The following PRDM16 variants were observed in gnomAD, a reference collection of about 807,000 sequenced individuals.
PRDM16 encodes histone-lysine N-methyltransferase PRDM16.
In PRDM16, 23 loss-of-function variants were observed where a neutral mutation model predicts 110.6. The observed-to-expected ratio is 0.21, with a 90% confidence interval of 0.15 to 0.29. PRDM16 has a LOEUF of 0.29. Ranked by LOEUF, PRDM16 falls within the 10% of genes least tolerant of loss-of-function variation. The pLI, the probability that PRDM16 is intolerant of heterozygous loss-of-function variation, is 1.00. For missense variants in PRDM16, 1,615 were observed against 1,794.3 expected (o/e 0.90, Z 1.81); for synonymous variants, 799 against 781.8 (o/e 1.02, Z -0.37).
Position 3,339,356 on chromosome 1 carries a change from C to A in PRDM16, c.439-45796C>A, listed in dbSNP as rs917703445. Among the ~76,000 whole-genome samples the A allele has an allele frequency of 6.6e-6, 1 of 152,062 alleles. No homozygotes were observed. The highest frequency in any genetic ancestry group is 1.5e-5 in the Non-Finnish European group (1 of 68,004). On this transcript the variant is annotated intron_variant, in intron 3 of 16. Transcript: ENST00000270722. This position sits in a 1 kb window ranked among gnomAD's most constrained non-coding sequence, Gnocchi z 5.0. ...GGGTGGGCCTCCGCGCATCCGTGCC[C>A]GGAAGCAGGAACAGAGGGATGGGTG...
At position 3,359,791 on chromosome 1, in the gene PRDM16, G is replaced by C. The variant is rs141137556; in HGVS notation, c.439-25361G>C. Among the ~76,000 whole-genome samples the C allele has an allele frequency of 6.6e-6, 1 of 151,230 alleles. No homozygotes were observed. The highest frequency in any genetic ancestry group is 1.5e-5 in the Non-Finnish European group (1 of 68,042). The stretch of plus-strand genomic sequence containing the variant: ...AGCCAGAAGGCAAGGCGGGAAAAAC[G>C]AGCCTGGCCTGAAACCACGCCCGTG... On this transcript the variant is annotated intron_variant, in intron 3 of 16. Transcript: ENST00000270722. This position sits in a 1 kb window ranked among gnomAD's most constrained non-coding sequence, Gnocchi z 4.3.
At position 3,208,925 on chromosome 1, in the gene PRDM16, G is replaced by C. The variant is rs891485796; in HGVS notation, c.387+22451G>C. Among the ~76,000 whole-genome samples, 1 of 152,166 alleles carries C rather than the reference G, an allele frequency of 6.6e-6. No homozygotes were observed. Among genetic ancestry groups the C allele is most frequent in the African/African-American group, 2.4e-5 (1 of 41,412 alleles). ...AAGTCTTGGGGACAGAAGAAACCTG[G>C]CTTTTCCCATGAACAGATGTCCCCC... is the stretch of plus-strand genomic sequence containing the variant. On this transcript the variant is annotated intron_variant, in intron 2 of 16. Coordinates refer to ENST00000270722, the MANE Select transcript of PRDM16 (RefSeq NM_022114.4). This position sits in a 1 kb window ranked among gnomAD's most constrained non-coding sequence, Gnocchi z 6.1.
At chr1:3,341,526 C>G (rs1018693622) in intron 3 of PRDM16, among the ~76,000 whole-genome samples, 1 of 152,180 alleles carries the variant, frequency 6.6e-6, no homozygotes, top group Non-Finnish European at 1.5e-5. Context: ...GAAGCACAGA[C>G]AAAGAGGAAG....
intron 2 of PRDM16, among the ~76,000 whole-genome samples, chr1:3,199,928 G>C (rs927875470): frequency 2.6e-5 from 4 of 152,250 alleles, no homozygotes; most frequent in Non-Finnish European, 5.9e-5. Flanking sequence ...CCCAGGACAG[G>C]GATGTCCTTG....
chr1:3,180,852 AGT>A (rs1437244979), intron 1 of PRDM16, among the ~76,000 whole-genome samples: 1 of 148,866 alleles, frequency 6.7e-6, no homozygotes, highest in Admixed American at 6.9e-5. Flanking sequence ...TTACACACGC[AGT>A]CTTACGCACG....
intron 1 of PRDM16, among the ~76,000 whole-genome samples, chr1:3,118,069 G>A (rs1324259966): frequency 6.6e-6 from 1 of 150,964 alleles, no homozygotes; most frequent in East Asian, 2.0e-4. Flanking sequence ...GTACATGCAT[G>A]TGTGTGTGCG....
Position 3,419,520 on chromosome 1 carries a change from G to GC in PRDM16, c.2939+780dup, listed in dbSNP as rs144893721. Among the ~76,000 whole-genome samples the GC allele has an allele frequency of 7.9e-3, 1,203 of 152,302 alleles. 22 individuals carry two copies. The highest frequency in any genetic ancestry group is 0.027 in the African/African-American group (1,142 of 41,560). ...CTGGGAGTGGGCATTTTAAGCGAGA[G>GC]CCCCAGACAATGGTAACTGGGAGGC... On this transcript the variant is annotated intron_variant, in intron 12 of 16. Transcript: ENST00000270722.
At chr1:3,297,583 C>T (rs1641117996) in intron 3 of PRDM16, among the ~76,000 whole-genome samples, 1 of 152,126 alleles carries the variant, frequency 6.6e-6, no homozygotes, top group Non-Finnish European at 1.5e-5. Context: ...TGCGCCCGGC[C>T]TGATGAGAGG....
intron 2 of PRDM16, among the ~76,000 whole-genome samples, chr1:3,193,844 C>T (rs1018340547): frequency 6.6e-6 from 1 of 152,178 alleles, no homozygotes; most frequent in Non-Finnish European, 1.5e-5. Flanking sequence ...CTCCCCTTCA[C>T]TGTGTGTTCG....
At position 3,273,619 on chromosome 1, in the gene PRDM16, AGT is replaced by A. The variant is rs535357713; in HGVS notation, c.438+29492_438+29493del. 1.5e-4 allele frequency among the ~76,000 whole-genome samples: 22 copies of A among 150,538 alleles called. 1 individual carries two copies. The South Asian group carries it at 4.4e-3, about 30-fold the overall frequency. ...GTGTGTGTGTATGTACGGGCACGTA[AGT>A]GTGTGTGTGCATGCATGTGTGTGTA... On this transcript the variant is annotated intron_variant, in intron 3 of 16. Transcript: ENST00000270722.
chr1:3,233,607 T>G (rs1043214853), intron 2 of PRDM16, among the ~76,000 whole-genome samples: 1 of 152,228 alleles, frequency 6.6e-6, no homozygotes, highest in Non-Finnish European at 1.5e-5. Flanking sequence ...TGGTCCTCTC[T>G]GCCCAGCAGG....
intron 3 of PRDM16, among the ~76,000 whole-genome samples, chr1:3,336,944 TGA>T (rs1261136053): frequency 6.0e-5 from 9 of 150,796 alleles, no homozygotes; most frequent in Non-Finnish European, 1.2e-4. Flanking sequence ...TGTGTTGGTG[TGA>T]GTCTGTGAGC....
At chr1:3,099,264 C>T (rs1642477777) in intron 1 of PRDM16, among the ~76,000 whole-genome samples, 1 of 152,256 alleles carries the variant, frequency 6.6e-6, no homozygotes, top group Admixed American at 6.5e-5. Context: ...CGCCACCTCC[C>T]ACTGAGGGAC....
intron 3 of PRDM16, among the ~76,000 whole-genome samples, chr1:3,380,495 C>T (rs992371708): frequency 1.3e-5 from 2 of 152,114 alleles, no homozygotes; most frequent in Admixed American, 6.5e-5. Flanking sequence ...GGACCCCACC[C>T]GCAGGGCAGC....
At chr1:3,328,939 G>C (rs1002303754) in intron 3 of PRDM16, among the ~76,000 whole-genome samples, 1 of 152,186 alleles carries the variant, frequency 6.6e-6, no homozygotes, top group African/African-American at 2.4e-5. Flanking sequence ...GCCTGCCGGG[G>C]GAGGGCACCA....
intron 2 of PRDM16, among the ~76,000 whole-genome samples, chr1:3,226,192 A>C (rs1173405526): frequency 2.0e-5 from 3 of 152,246 alleles, no homozygotes; most frequent in African/African-American, 7.2e-5. Flanking sequence ...AGCTGCCAAG[A>C]AGCACGGGGT....
At chr1:3,124,736 C>T (rs1367363361) in intron 1 of PRDM16, among the ~76,000 whole-genome samples, 1 of 152,192 alleles carries the variant, frequency 6.6e-6, no homozygotes, top group African/African-American at 2.4e-5. Context: ...CCCTCGAAGC[C>T]CCCCTCCACC....
At chr1:3,098,922 C>A (rs1160169065) in intron 1 of PRDM16, among the ~76,000 whole-genome samples, 2 of 152,242 alleles carry the variant, frequency 1.3e-5, no homozygotes, top group African/African-American at 4.8e-5. Flanking sequence ...AAGGACCCGG[C>A]AAATGCTGCT....
At chr1:3,431,260 G>T in intron 15 of PRDM16, 152 bp downstream of exon 15, 1 of 1,320,142 alleles carries the variant, frequency 7.6e-7, no homozygotes, top group Admixed American at 2.6e-5. Flanking sequence ...CACAGGCCAG[G>T]GCAAGGCTGG....
Sources: allele counts gnomAD v4.1 joint callset (sites outside exome capture counted in the v4.1 genomes callset), GRCh38; gene constraint gnomAD v4.1.1; non-coding constraint Gnocchi (gnomAD v3.1); transcripts MANE v1.5; gene names NCBI Gene and HGNC (gene_info 2026-07-23, HGNC 2026-07-21).